Variants in PLEKHA5 observed in about 807,000 individuals in gnomAD.
PLEKHA5 encodes the protein pleckstrin homology domain containing A5, also known as pleckstrin homology domain-containing family A member 5.
In PLEKHA5, 55 loss-of-function variants were observed where a neutral mutation model predicts 181.9. That is an observed-to-expected ratio of 0.30 (90% CI 0.24 to 0.38). The LOEUF is 0.38. PLEKHA5 is among the 10% of genes least tolerant of loss of function. PLEKHA5 has a pLI of 1.00. For synonymous variants in PLEKHA5, 535 were observed against 529.4 expected, an observed-to-expected ratio of 1.01 and a Z score of -0.15; for missense variants, 1,432 against 1,549.5, an observed-to-expected ratio of 0.92 and a Z score of 1.27.
At chr12:19,363,370 G>GT (rs1162806102) in intron 29 of PLEKHA5, among the ~76,000 whole-genome samples, 1 of 149,898 alleles carries the variant, frequency 6.7e-6, no homozygotes, top group Non-Finnish European at 1.5e-5. Flanking sequence ...GGGTTTCACC[G>GT]TGTTAGCCAG....
Position 19,274,500 on chromosome 12 carries a change from T to C in PLEKHA5, c.846-16T>C, listed in dbSNP as rs761193908. The C allele has an allele frequency of 3.4e-6, 5 of 1,488,062 alleles. No homozygotes were observed. The African/African-American group carries it at 7.0e-5, about 21-fold the overall frequency. 92.2% of individuals were successfully genotyped at this position (1,488,062 alleles called of 1,614,324 possible). A position where few individuals can be genotyped will look rare whatever the true frequency, so the allele number is the denominator to read the frequency against. On this transcript the variant is annotated splice_polypyrimidine_tract_variant and intron_variant, in intron 10 of 31. Transcript: ENST00000429027. ...TATTTCATCTGATTTACTATGATTTTCTTCTCTGATTTCAGAGTGGACAAG... is the reference window on the plus strand; with the variant it reads ...TATTTCATCTGATTTACTATGATTTCCTTCTCTGATTTCAGAGTGGACAAG...
At chr12:19,230,675 C>T (rs568440800) in intron 3 of PLEKHA5, among the ~76,000 whole-genome samples, 1 of 152,264 alleles carries the variant, frequency 6.6e-6, no homozygotes, top group Admixed American at 6.5e-5. Context: ...AGCCTGTGCC[C>T]ACCTGAAACT....
chr12:19,362,178 A>C (rs7301294), intron 29 of PLEKHA5, among the ~76,000 whole-genome samples: 1 of 147,108 alleles, frequency 6.8e-6, no homozygotes, highest in African/African-American at 2.6e-5. Context: ...AAAAAAAAAA[A>C]AAAAAAAAAA....
chr12:19,281,237 A>AG (rs1444557400), intron 11 of PLEKHA5, among the ~76,000 whole-genome samples: 1 of 151,880 alleles, frequency 6.6e-6, no homozygotes, highest in Non-Finnish European at 1.5e-5. Context: ...AAAAAAAAAA[A>AG]AAAAAGTATG....
rs1434036402 is a variant in PLEKHA5, at chr12:19,283,321, A to T, written c.1355A>T (p.His452Leu). The T allele has an allele frequency of 5.0e-6, 8 of 1,613,538 alleles. No homozygotes were observed. Among genetic ancestry groups the T allele is most frequent in the Non-Finnish European group, 6.8e-6 (8 of 1,179,806 alleles). Residue 452 changes from histidine to leucine, a missense_variant, in exon 12 of 32, where the codon CAC becomes CTC. His to Leu is a moderately conservative substitution (Grantham distance 99). Transcript: ENST00000429027. ...ACATTACCAAGAAATATGCCAAGTC[A>T]CAGAGCCCAGATTATGGCCCGCTAC... ...YQTLPRNMPSHRAQIMARYPE... is the reference protein window; with the variant it reads ...YQTLPRNMPSLRAQIMARYPE...
At position 19,354,318 on chromosome 12, in the gene PLEKHA5, A is replaced by AT. The variant is rs541109545; in HGVS notation, c.3138+324dup. Among the ~76,000 whole-genome samples, 645 of 144,254 alleles carry AT rather than the reference A, an allele frequency of 4.5e-3. 7 individuals are homozygous for AT. Among genetic ancestry groups the AT allele is most frequent in the African/African-American group, 0.014 (563 of 39,198 alleles). The allele number at this position is 144,254 out of a possible 152,430, so 94.6% of individuals were successfully genotyped here. On this transcript the variant is annotated intron_variant, in intron 26 of 31. Transcript: ENST00000429027. ...AGGCGCCCGCCACCACGCCCGGCTA[A>AT]TTTTTTTTGTATTTTTAGTAGAGAC...
At chr12:19,289,258 T>C (rs1173727965) in intron 13 of PLEKHA5, among the ~76,000 whole-genome samples, 5 of 152,248 alleles carry the variant, frequency 3.3e-5, no homozygotes, top group Non-Finnish European at 7.3e-5. Context: ...TACCCAGTTT[T>C]ATCTAAGGAA....
chr12:19,276,656 A>G (rs1248135877), intron 11 of PLEKHA5, among the ~76,000 whole-genome samples: 4 of 152,128 alleles, frequency 2.6e-5, no homozygotes, highest in Non-Finnish European at 5.9e-5. Flanking sequence ...GTGCCACTGC[A>G]CTCCAATCTG....
At chr12:19,148,257 A>G (rs565255503) in intron 3 of PLEKHA5, among the ~76,000 whole-genome samples, 135 of 152,220 alleles carry the variant, frequency 8.9e-4, no homozygotes, top group African/African-American at 3.0e-3. Context: ...GGGTTTCACT[A>G]TGTTGGCCAG....
At chr12:19,142,293 C>T (rs749807211) in intron 3 of PLEKHA5, among the ~76,000 whole-genome samples, 3 of 152,050 alleles carry the variant, frequency 2.0e-5, no homozygotes, top group African/African-American at 4.8e-5. Flanking sequence ...TGCTTGAGCC[C>T]AGGAACTCAA....
At chr12:19,140,994 T>C (rs913156704) in intron 3 of PLEKHA5, among the ~76,000 whole-genome samples, 2 of 152,106 alleles carry the variant, frequency 1.3e-5, no homozygotes, top group African/African-American at 4.8e-5. Context: ...AGTTTCACCA[T>C]GTTTGGCCAG....
chr12:19,257,620 AAATCATAAAATT>A, intron 6 of PLEKHA5, 83 bp downstream of exon 6: 1 of 765,830 alleles, frequency 1.3e-6, no homozygotes, highest in South Asian at 1.6e-5. Context: ...CAATTCTATA[AAATCATAAAATT>A]AAGAAGGAAC....
At position 19,173,005 on chromosome 12, in the gene PLEKHA5, C is replaced by CTTT. The variant is rs71064064; in HGVS notation, c.227+40582_227+40584dup. On this transcript the variant is annotated intron_variant, in intron 3 of 31. Transcript: ENST00000429027. ...AGAAAATTGCTACTGATTTCCCTTT[C>CTTT]TTTTTTTTTTTTTTTTTTTTTTTTT... Among the ~76,000 whole-genome samples, 233 of 33,510 alleles carry CTTT rather than the reference C, an allele frequency of 7.0e-3. 64 individuals are homozygous for CTTT. Among genetic ancestry groups the CTTT allele is most frequent in the South Asian group, 0.023 (11 of 482 alleles). The allele number at this position is 33,510 out of a possible 152,430, so 22.0% of individuals were successfully genotyped here.
At chr12:19,200,242 C>T (rs1488741600) in intron 3 of PLEKHA5, 2 of 935,020 alleles carry the variant, frequency 2.1e-6, no homozygotes, top group South Asian at 1.6e-5. Context: ...TCACCCATCC[C>T]CCTTAAATAT....
At chr12:19,245,293 T>C (rs2063445953) in intron 3 of PLEKHA5, among the ~76,000 whole-genome samples, 1 of 152,172 alleles carries the variant, frequency 6.6e-6, no homozygotes, top group Non-Finnish European at 1.5e-5. Context: ...CCTTCCCCTT[T>C]TTCCTTGCTA....
At chr12:19,345,162 G>T (rs1316350596) in intron 22 of PLEKHA5, among the ~76,000 whole-genome samples, 3 of 151,776 alleles carry the variant, frequency 2.0e-5, no homozygotes, top group African/African-American at 7.3e-5. Flanking sequence ...CACTTTGGGA[G>T]GCCAAGGCGG....
chr12:19,369,942 C>T, intron 31 of PLEKHA5, 144 bp downstream of exon 31: 1 of 462,672 alleles, frequency 2.2e-6, no homozygotes, highest in Non-Finnish European at 3.8e-6. Context: ...ATCTTGGAAC[C>T]AGGGTTGGTA....
At chr12:19,296,546 CAA>C (rs34063103) in intron 15 of PLEKHA5, among the ~76,000 whole-genome samples, 20,384 of 139,722 alleles carry the variant, frequency 0.15, 1,446 homozygotes, top group African/African-American at 0.21. Flanking sequence ...GACTCTATCT[CAA>C]AAAAAAAAAA....
At chr12:19,141,498 A>G (rs948943660) in intron 3 of PLEKHA5, among the ~76,000 whole-genome samples, 2 of 152,212 alleles carry the variant, frequency 1.3e-5, no homozygotes, top group Admixed American at 6.5e-5. Flanking sequence ...AGGTCTTCTT[A>G]TAATATAGTG....
Sources: gnomAD v4.1 joint callset for allele counts (sites outside exome capture counted in the v4.1 genomes callset) on GRCh38, gnomAD v4.1.1 for gene constraint, MANE v1.5 for transcripts, NCBI Gene and HGNC (gene_info 2026-07-23, HGNC 2026-07-21) for gene names.